GNPAT: variants seen among roughly 807,000 people sequenced by gnomAD.
GNPAT encodes dihydroxyacetone phosphate acyltransferase.
A neutral mutation model predicts 78.4 loss-of-function variants in GNPAT; 30 were observed. The observed-to-expected ratio is 0.38, with a 90% confidence interval of 0.29 to 0.52. GNPAT has a LOEUF of 0.52. GNPAT is among the 20% of genes least tolerant of loss of function. The probability of loss-of-function intolerance (pLI) is 0.84; values close to 1 mark genes in which losing one functional copy is unlikely to be tolerated. For synonymous variants in GNPAT, 271 were observed against 281.1 expected (o/e 0.96, Z 0.36); for missense variants, 714 against 812.2 (o/e 0.88, Z 1.47).
At chr1:231,249,482 C>T (rs1043673748) in intron 1 of GNPAT, among the ~76,000 whole-genome samples, 1 of 152,088 alleles carries the variant, frequency 6.6e-6, no homozygotes, top group Non-Finnish European at 1.5e-5. Flanking sequence ...AGTTATTGAC[C>T]AATTATGCTA....
chr1:231,264,139 C>T (rs1685305899), intron 4 of GNPAT, among the ~76,000 whole-genome samples: 1 of 152,168 alleles, frequency 6.6e-6, no homozygotes, highest in African/African-American at 2.4e-5. Flanking sequence ...GTTCCCTGTG[C>T]TTTTGGTATC....
At chr1:231,271,127 A>T in intron 10 of GNPAT, 127 bp downstream of exon 10, 1 of 1,122,144 alleles carries the variant, frequency 8.9e-7, no homozygotes, top group Non-Finnish European at 1.4e-6. Context: ...TATCACTGAG[A>T]AAAAGTTAGC....
Position 231,270,984 on chromosome 1 carries a change from A to G in GNPAT, c.1506A>G (p.Thr502=), listed in dbSNP as rs544383431. The G allele has an allele frequency of 3.1e-6, 5 of 1,614,122 alleles. No homozygotes were observed. The highest frequency in any genetic ancestry group is 3.3e-4 in the Middle Eastern group (2 of 6,062). ...PSLVAVALQM[T]PGFRKEDVYS... ...TAGTAGCAGTAGCATTGCAGATGAC[A>G]CCAGGGTTCAGGAAAGGTAATTTTC... The change falls in exon 10 of 16, where the codon ACA becomes ACG. Residue 502 remains threonine (T), a synonymous_variant. Transcript: ENST00000366647.
chr1:231,258,417 C>A (rs1287953776), intron 2 of GNPAT: 3 of 152,116 alleles, frequency 2.0e-5, no homozygotes, highest in Non-Finnish European at 4.4e-5. Flanking sequence ...CACAGCTAGC[C>A]ACACCCCTGT....
At chr1:231,265,256 C>T in intron 4 of GNPAT, 37 bp from the exon 5 acceptor site, 1 of 1,470,248 alleles carries the variant, frequency 6.8e-7, no homozygotes, top group Non-Finnish European at 9.5e-7. Flanking sequence ...TAGAAGATTT[C>T]AAGATCTGCA....
chr1:231,241,653 G>A (rs1684609867), intron 1 of GNPAT, among the ~76,000 whole-genome samples, 197 bp downstream of exon 1: 1 of 152,242 alleles, frequency 6.6e-6, no homozygotes, highest in South Asian at 2.1e-4. Context: ...GCTTTTGGAA[G>A]TTTCTACGGA....
Position 231,271,003 on chromosome 1 carries a change from A to G in GNPAT, c.1522+3A>G, listed in dbSNP as rs1207007077. On this transcript the variant is annotated splice_donor_region_variant and intron_variant, in intron 10 of 15. Coordinates refer to ENST00000366647, the MANE Select transcript of GNPAT (RefSeq NM_014236.4). Reference sequence around the variant, plus strand: ...GATGACACCAGGGTTCAGGAAAGGTAATTTTCAGGAATGCAATCTTGACTT... The same window carrying G: ...GATGACACCAGGGTTCAGGAAAGGTGATTTTCAGGAATGCAATCTTGACTT... The G allele has an allele frequency of 6.2e-7, 1 of 1,614,092 alleles. No individual in the cohort carries two copies. Among genetic ancestry groups the G allele is most frequent in the Admixed American group, 1.7e-5 (1 of 60,030 alleles).
At chr1:231,253,062 G>A (rs377327955) in intron 2 of GNPAT, among the ~76,000 whole-genome samples, 7 of 152,168 alleles carry the variant, frequency 4.6e-5, no homozygotes, top group Admixed American at 2.0e-4. Flanking sequence ...TCCGCCTCCC[G>A]GGTTCATGCC....
Position 231,267,614 on chromosome 1 carries a change from C to G in GNPAT, c.1056-66C>G, listed in dbSNP as rs918574540. 51 of 945,666 alleles carry G rather than the reference C, an allele frequency of 5.4e-5. No individual in the cohort carries two copies. The Admixed American group carries it at 8.4e-4, about 16-fold the overall frequency. The allele number at this position is 945,666 out of a possible 1,614,324, so 58.6% of individuals were successfully genotyped here. On this transcript the variant is annotated intron_variant, in intron 8 of 15. Transcript: ENST00000366647. ...AGAAGCCTTCTAAAACGTCTAGAGT[C>G]TTTTTCCATCCCCATTTGTCTAAGT...
intron 3 of GNPAT, among the ~76,000 whole-genome samples, chr1:231,262,250 C>T (rs966309846): frequency 6.6e-6 from 1 of 152,294 alleles, no homozygotes; most frequent in Non-Finnish European, 1.5e-5. Context: ...TTTGTTTTCT[C>T]TTACTACAAC....
chr1:231,270,626 A>G, intron 9 of GNPAT, 132 bp from the exon 10 acceptor site: 1 of 868,090 alleles, frequency 1.2e-6, no homozygotes, highest in South Asian at 1.3e-5. Flanking sequence ...CATTACCGTA[A>G]TTGGTAGACA....
At position 231,267,882 on chromosome 1, in the gene GNPAT, G is replaced by A; in HGVS notation, c.1258G>A (p.Gly420Arg). The change falls in exon 9 of 16, where the codon GGA (glycine) becomes AGA (arginine). Residue 420 changes from glycine to arginine, a missense_variant. Transcript: ENST00000366647. ...LWLKGLTQAF[G>R]GFLIWPDNKP... The stretch of plus-strand genomic sequence containing the variant: ...GCTAAAAGGCTTAACCCAGGCATTT[G>A]GAGGGTTTCTCATTTGGCCTGGTAT... 1 of 1,610,000 alleles carries A rather than the reference G, an allele frequency of 6.2e-7. No homozygotes were observed. The highest frequency in any genetic ancestry group is 8.5e-7 in the Non-Finnish European group (1 of 1,176,220).
intron 15 of GNPAT, among the ~76,000 whole-genome samples, 167 bp from the exon 16 acceptor site, chr1:231,277,332 A>G (rs543181334): frequency 1.3e-5 from 2 of 152,222 alleles, no homozygotes; most frequent in Non-Finnish European, 2.9e-5. Flanking sequence ...TGGAGCATCT[A>G]CCGCTTCCCT....
chr1:231,275,067 G>GT (rs1044207125), intron 12 of GNPAT, 154 bp from the exon 13 acceptor site: 1 of 620,150 alleles, frequency 1.6e-6, no homozygotes, highest in African/African-American at 1.9e-5. Flanking sequence ...AAATTCTTTG[G>GT]TTTTTCTGGG....
chr1:231,268,679 G>A (rs1415437086), intron 9 of GNPAT, among the ~76,000 whole-genome samples: 8 of 151,260 alleles, frequency 5.3e-5, no homozygotes, highest in South Asian at 2.1e-4. Flanking sequence ...AGGCTGAGGC[G>A]GGCGGATCAC....
chr1:231,273,313 G>T (rs1419950012), intron 11 of GNPAT, among the ~76,000 whole-genome samples: 1 of 148,112 alleles, frequency 6.8e-6, no homozygotes, highest in African/African-American at 2.5e-5. Flanking sequence ...GTGCAGTGGC[G>T]CAATCTCAGC....
rs201563848 is a variant in GNPAT, at chr1:231,266,340, G to A, written c.988G>A (p.Asp330Asn). 6.2e-7 allele frequency: 1 copy of A among 1,613,990 alleles called. No homozygotes were observed. The highest frequency in any genetic ancestry group is 8.5e-7 in the Non-Finnish European group (1 of 1,179,848). The change falls in exon 8 of 16, where the codon GAT (aspartate) becomes AAT (asparagine). Residue 330 changes from aspartate (D) to asparagine (N), a missense_variant. By Grantham distance (23) the Asp-to-Asn change is conservative. Transcript: ENST00000366647. ...NFGSIHVYFG[D>N]PVSLRSLAAG... Reference sequence around the variant, plus strand: ...TGGAAGCATCCATGTGTACTTTGGAGATCCTGTGTCACTTCGATCTTTGGC... The same window carrying A: ...TGGAAGCATCCATGTGTACTTTGGAAATCCTGTGTCACTTCGATCTTTGGC...
At chr1:231,267,537 A>G in intron 8 of GNPAT, 143 bp from the exon 9 acceptor site, 1 of 715,764 alleles carries the variant, frequency 1.4e-6, no homozygotes, top group South Asian at 1.5e-5. Context: ...TAGTAAAGCA[A>G]AGGAATACTG....
intron 10 of GNPAT, among the ~76,000 whole-genome samples, chr1:231,271,606 C>T (rs1201718060): frequency 6.6e-6 from 1 of 152,130 alleles, no homozygotes; most frequent in Non-Finnish European, 1.5e-5. Flanking sequence ...CTTTTCAAAG[C>T]TCCACAGTGA....
Sources: gnomAD v4.1 joint callset for allele counts (sites outside exome capture counted in the v4.1 genomes callset) on GRCh38, gnomAD v4.1.1 for gene constraint, MANE v1.5 for transcripts, NCBI Gene and HGNC (gene_info 2026-07-23, HGNC 2026-07-21) for gene names.